The following CPNE8 variants were observed in gnomAD, a reference collection of about 807,000 sequenced individuals.
The protein encoded by CPNE8 is copine 8.
Under a neutral mutation model 81.5 loss-of-function variants are expected in CPNE8, and 45 were observed. The ratio of observed to expected loss-of-function variants is 0.55; its 90% CI spans 0.44 to 0.71. The LOEUF (loss-of-function observed/expected upper bound fraction) is 0.71. Among genes scored for constraint, CPNE8 ranks in the 30% least tolerant of loss-of-function variants. The probability of loss-of-function intolerance (pLI) is 0.00; values close to 1 mark genes in which losing one functional copy is unlikely to be tolerated. For synonymous variants in CPNE8, 252 were observed against 226.3 expected (o/e 1.11, Z -1.02); for missense variants, 594 against 672.1 (o/e 0.88, Z 1.28).
At chr12:38,654,414 C>T (rs1938771946) in intron 19 of CPNE8, among the ~76,000 whole-genome samples, 1 of 148,408 alleles carries the variant, frequency 6.7e-6, no homozygotes, top group Non-Finnish European at 1.5e-5. Context: ...ACTCGGGAGG[C>T]TGAGGCAGGA....
In CPNE8 at chr12:38,776,988, T is replaced by G. The variant is rs528455315; in HGVS notation, c.408-687A>C. ...GTTTATGTATTTTCTATACTATACT[T>G]TTTATCATTATTTCAAAGTGTATTT... On this transcript the variant is annotated intron_variant, in intron 6 of 19. Coordinates refer to ENST00000331366, the MANE Select transcript of CPNE8 (RefSeq NM_153634.3). Among the ~76,000 whole-genome samples the G allele has an allele frequency of 5.3e-5, 8 of 152,146 alleles. No individual in the cohort carries two copies. The South Asian group carries it at 1.7e-3, about 32-fold the overall frequency.
At chr12:38,686,936 G>T (rs540121001) in intron 15 of CPNE8, among the ~76,000 whole-genome samples, 1 of 152,276 alleles carries the variant, frequency 6.6e-6, no homozygotes, top group African/African-American at 2.4e-5. Flanking sequence ...TTCTAGAAAT[G>T]AGTTACTAAG....
chr12:38,653,957 T>C lies in CPNE8; in HGVS notation c.1620A>G (p.Arg540=). Residue 540 remains arginine, a synonymous_variant, in exon 20 of 20, where the codon AGA becomes AGG. Coordinates refer to ENST00000331366, the MANE Select transcript of CPNE8 (RefSeq NM_153634.3). ...CAGGTGATGGCTTGATTCCTCGGGC[T>C]CTCATATAGGAGAGAAACTGCTCAG... ...EIPEQFLSYM[R]ARGIKPSPAP... 10 of 1,613,660 alleles carry C rather than the reference T, an allele frequency of 6.2e-6. No homozygotes were observed. Among genetic ancestry groups the C allele is most frequent in the Non-Finnish European group, 8.5e-6 (10 of 1,179,902 alleles).
At chr12:38,764,317 T>A (rs946470139) in intron 8 of CPNE8, among the ~76,000 whole-genome samples, 3 of 152,056 alleles carry the variant, frequency 2.0e-5, no homozygotes, top group African/African-American at 4.8e-5. Flanking sequence ...TACCAAAAAA[T>A]TTTTAAGAAA....
intron 6 of CPNE8, among the ~76,000 whole-genome samples, chr12:38,794,560 T>C (rs781769010): frequency 6.6e-6 from 1 of 151,776 alleles, no homozygotes; most frequent in Non-Finnish European, 1.5e-5. Flanking sequence ...ATCTTCAACA[T>C]GACTAATCAT....
At chr12:38,760,298 G>T (rs1418031044) in intron 10 of CPNE8, among the ~76,000 whole-genome samples, 1 of 151,264 alleles carries the variant, frequency 6.6e-6, no homozygotes. Flanking sequence ...GCTTAAAAAA[G>T]AAAAAAATGA....
chr12:38,816,594 T>C (rs190218807), intron 6 of CPNE8, among the ~76,000 whole-genome samples: 11 of 152,242 alleles, frequency 7.2e-5, no homozygotes, highest in African/African-American at 2.4e-4. Flanking sequence ...ACAAAAATAG[T>C]ATGAAAGAAA....
chr12:38,755,823 G>A (rs973013247), intron 10 of CPNE8, among the ~76,000 whole-genome samples: 1 of 151,818 alleles, frequency 6.6e-6, no homozygotes, highest in African/African-American at 2.4e-5. Flanking sequence ...GGCGGATCAC[G>A]AAGTCAGGAG....
At chr12:38,841,336 C>T (rs1333603358) in intron 4 of CPNE8, among the ~76,000 whole-genome samples, 1 of 152,066 alleles carries the variant, frequency 6.6e-6, no homozygotes, top group Non-Finnish European at 1.5e-5. Flanking sequence ...CTCACCTTCT[C>T]TTTTAAAAAA....
intron 5 of CPNE8, among the ~76,000 whole-genome samples, chr12:38,836,427 A>G (rs371182639): frequency 6.6e-6 from 1 of 152,018 alleles, no homozygotes; most frequent in Non-Finnish European, 1.5e-5. Flanking sequence ...TTCTATCTCC[A>G]TTTTCCCTAA....
At chr12:38,679,668 G>A in intron 16 of CPNE8, 1 of 984,802 alleles carries the variant, frequency 1.0e-6, no homozygotes, top group Non-Finnish European at 1.2e-6. Context: ...TTGCTTCTTT[G>A]GCACTTGTTC....
At chr12:38,797,552 T>A (rs984456032) in intron 6 of CPNE8, among the ~76,000 whole-genome samples, 1 of 151,846 alleles carries the variant, frequency 6.6e-6, no homozygotes, top group African/African-American at 2.4e-5. Context: ...CATCTGTACA[T>A]CACCATCATC....
At chr12:38,796,841 C>A (rs897034014) in intron 6 of CPNE8, among the ~76,000 whole-genome samples, 1 of 152,144 alleles carries the variant, frequency 6.6e-6, no homozygotes, top group East Asian at 1.9e-4. Flanking sequence ...TCACTCCCAC[C>A]CTAATACTGC....
intron 8 of CPNE8, among the ~76,000 whole-genome samples, chr12:38,763,888 C>T (rs186936815): frequency 1.3e-5 from 2 of 150,778 alleles, no homozygotes; most frequent in Admixed American, 1.3e-4. Context: ...ATGAAATATC[C>T]CCCCTTTGAT....
chr12:38,781,680 T>C (rs559404501), intron 6 of CPNE8, among the ~76,000 whole-genome samples: 1 of 152,200 alleles, frequency 6.6e-6, no homozygotes. Context: ...CACCATTATG[T>C]TGAACAATTT....
At chr12:38,744,189 G>C (rs1941174003) in intron 10 of CPNE8, among the ~76,000 whole-genome samples, 1 of 152,144 alleles carries the variant, frequency 6.6e-6, no homozygotes, top group Admixed American at 6.5e-5. Flanking sequence ...AAACATCTGT[G>C]TCTGTTGGGA....
intron 10 of CPNE8, among the ~76,000 whole-genome samples, chr12:38,740,145 A>G (rs979728926): frequency 1.3e-5 from 2 of 152,162 alleles, no homozygotes; most frequent in African/African-American, 4.8e-5. Flanking sequence ...TAGGTATTTT[A>G]TTCTCTTAGA....
At chr12:38,659,831 G>C (rs1331100006) in intron 19 of CPNE8, among the ~76,000 whole-genome samples, 1 of 152,136 alleles carries the variant, frequency 6.6e-6, no homozygotes, top group Non-Finnish European at 1.5e-5. Context: ...ATAACAGACA[G>C]AGGGCCAAAT....
At chr12:38,759,529 G>C (rs934673347) in intron 10 of CPNE8, among the ~76,000 whole-genome samples, 3 of 152,254 alleles carry the variant, frequency 2.0e-5, no homozygotes, top group Admixed American at 2.0e-4. Flanking sequence ...TGGCAGAAAC[G>C]TAAAGATCAG....
Sources: gnomAD v4.1 joint callset for allele counts (sites outside exome capture counted in the v4.1 genomes callset) on GRCh38, gnomAD v4.1.1 for gene constraint, MANE v1.5 for transcripts, NCBI Gene and HGNC (gene_info 2026-07-23, HGNC 2026-07-21) for gene names.